Variants in L3MBTL1 observed in about 807,000 individuals in gnomAD.
L3MBTL1 encodes the protein L3MBTL histone methyl-lysine binding protein 1, also known as lethal(3)malignant brain tumor-like protein 1.
A neutral mutation model predicts 105.3 loss-of-function variants in L3MBTL1; 75 were observed. The observed-to-expected ratio is 0.71, with a 90% CI of 0.59 to 0.86. The LOEUF is 0.86. Among genes scored for constraint, L3MBTL1 ranks in the 40% least tolerant of loss-of-function variants. L3MBTL1 has a pLI of 0.00. For synonymous variants in L3MBTL1, 452 were observed against 436.2 expected (o/e 1.04, Z -0.45); for missense variants, 1,069 against 1,126.4 (o/e 0.95, Z 0.73).
intron 7 of L3MBTL1, among the ~76,000 whole-genome samples, chr20:43,518,863 A>C (rs1181499438): frequency 1.6e-5 from 2 of 122,750 alleles, no homozygotes; most frequent in Non-Finnish European, 3.9e-5. Flanking sequence ...AAAAAAAAAA[A>C]AAAAAAAAAA....
At chr20:43,524,070 T>C (rs939421388) in intron 7 of L3MBTL1, among the ~76,000 whole-genome samples, 1 of 151,986 alleles carries the variant, frequency 6.6e-6, no homozygotes, top group African/African-American at 2.4e-5. Flanking sequence ...TAAGCAATCC[T>C]CCTACCTCAG....
chr20:43,541,058 A>T lies in L3MBTL1; in HGVS notation c.2519A>T (p.His840Leu), dbSNP rs150564461. ...AAAGGCATCCTGGAGACAGGAGTCCATTCACTCCTCTGCTCTCTACCCACT... is the reference window on the plus strand; with the variant it reads ...AAAGGCATCCTGGAGACAGGAGTCCTTTCACTCCTCTGCTCTCTACCCACT... ...EGKGILETGV[H>L]SLLCSLPTHL... is the part of the protein sequence containing the mutation. The change falls in exon 22 of 22, where the codon CAT (histidine) becomes CTT (leucine). Residue 840 changes from histidine to leucine, a missense_variant. His to Leu is a moderately conservative substitution (Grantham distance 99). Transcript: ENST00000418998. 1.3e-4 allele frequency: 216 copies of T among 1,614,056 alleles called. No homozygotes were observed. The highest frequency in any genetic ancestry group is 1.8e-4 in the Non-Finnish European group (208 of 1,180,046).
At chr20:43,529,431 C>T (rs1471609082) in intron 9 of L3MBTL1, 63 bp downstream of exon 9, 1 of 1,179,130 alleles carries the variant, frequency 8.5e-7, no homozygotes, top group Non-Finnish European at 1.2e-6. Flanking sequence ...ATGGATCTTG[C>T]TGGGGACATA....
intron 7 of L3MBTL1, among the ~76,000 whole-genome samples, chr20:43,525,411 A>G (rs2018978992): frequency 6.6e-6 from 1 of 152,064 alleles, no homozygotes; most frequent in Non-Finnish European, 1.5e-5. Flanking sequence ...AAAAAAAAGC[A>G]TCTCTCCAGG....
intron 8 of L3MBTL1, 108 bp downstream of exon 8, chr20:43,528,853 C>G: frequency 1.2e-6 from 1 of 840,990 alleles, no homozygotes; most frequent in South Asian, 1.4e-5. Flanking sequence ...CCTCAGTGGA[C>G]TGGCAGAATG....
At chr20:43,514,909 G>T in intron 4 of L3MBTL1, 100 bp from the exon 5 acceptor site, 1 of 1,491,750 alleles carries the variant, frequency 6.7e-7, no homozygotes, top group Non-Finnish European at 9.0e-7. Flanking sequence ...ATCCGATGCG[G>T]AGATGGACCG....
intron 14 of L3MBTL1, 81 bp downstream of exon 14, chr20:43,534,174 TCC>T: frequency 6.6e-7 from 1 of 1,519,330 alleles, no homozygotes; most frequent in Non-Finnish European, 9.1e-7. Context: ...GCCCTAGCCT[TCC>T]CCTTTGGGCA....
chr20:43,541,160 G>A lies in L3MBTL1; in HGVS notation c.*32G>A. On this transcript the variant is annotated 3_prime_UTR_variant, in exon 22 of 22. Transcript: ENST00000418998. ...CTTTTTTCCCCTTTAATCCAATATA[G>A]TTGATAATTAAAGTGTATTTTGAAT... 6.3e-7 allele frequency: 1 copy of A among 1,598,438 alleles called. No individual in the cohort carries two copies. Among genetic ancestry groups the A allele is most frequent in the Non-Finnish European group, 8.6e-7 (1 of 1,168,834 alleles).
At chr20:43,525,375 T>C (rs923794976) in intron 7 of L3MBTL1, among the ~76,000 whole-genome samples, 5 of 150,760 alleles carry the variant, frequency 3.3e-5, no homozygotes, top group Non-Finnish European at 5.9e-5. Context: ...CGCTAGCCAA[T>C]ATGGTACCTT....
intron 7 of L3MBTL1, among the ~76,000 whole-genome samples, chr20:43,520,709 A>G (rs750750341): frequency 7.9e-5 from 12 of 152,306 alleles, no homozygotes; most frequent in African/African-American, 1.9e-4. Flanking sequence ...AGAAATGTCT[A>G]TTCAGATCCT....
chr20:43,522,508 A>G (rs1417560914), intron 7 of L3MBTL1, among the ~76,000 whole-genome samples: 5 of 104,922 alleles, frequency 4.8e-5, no homozygotes, highest in Non-Finnish European at 8.6e-5. Context: ...ATCTGGCTCT[A>G]TCACCCAGGC....
chr20:43,514,400 G>T, intron 3 of L3MBTL1: 1 of 1,434,648 alleles, frequency 7.0e-7, no homozygotes. Flanking sequence ...GTGGGAGCCT[G>T]GGGGCGTGGC....
intron 7 of L3MBTL1, among the ~76,000 whole-genome samples, chr20:43,527,182 T>G (rs565844871): frequency 1.3e-5 from 2 of 152,194 alleles, no homozygotes; most frequent in Non-Finnish European, 2.9e-5. Flanking sequence ...TATACATAGA[T>G]CTGACTTAAT....
At chr20:43,529,072 A>G in intron 8 of L3MBTL1, 192 bp from the exon 9 acceptor site, 1 of 608,462 alleles carries the variant, frequency 1.6e-6, no homozygotes, top group Non-Finnish European at 2.9e-6. Context: ...TGACTCACCC[A>G]CATTTTTCAA....
intron 7 of L3MBTL1, 119 bp from the exon 8 acceptor site, chr20:43,528,538 A>C: frequency 2.7e-6 from 2 of 728,434 alleles, no homozygotes; most frequent in Admixed American, 2.1e-5. Context: ...CAGAGGGTAC[A>C]TGTGAACACA....
chr20:43,509,333 T>C (rs1456812920), intron 1 of L3MBTL1, among the ~76,000 whole-genome samples: 1 of 150,136 alleles, frequency 6.7e-6, no homozygotes, highest in Non-Finnish European at 1.5e-5. Flanking sequence ...CAAGCAACCC[T>C]CCCACCTCAG....
chr20:43,519,025 CAG>C (rs992309814), intron 7 of L3MBTL1, among the ~76,000 whole-genome samples: 26 of 149,062 alleles, frequency 1.7e-4, no homozygotes, highest in East Asian at 9.9e-4. Context: ...GACTCTGTCT[CAG>C]GGGGAAAAAA....
intron 11 of L3MBTL1, 67 bp downstream of exon 11, chr20:43,530,956 G>A (rs2019306396): frequency 7.6e-7 from 1 of 1,315,700 alleles, no homozygotes; most frequent in South Asian, 1.3e-5. Flanking sequence ...CTGGCCCAGG[G>A]TATCTGACTC....
In L3MBTL1 at chr20:43,536,119, G is replaced by A. The variant is rs765827973; in HGVS notation, c.1948G>A (p.Asp650Asn). The change falls in exon 18 of 22, where the codon GAC (aspartate) becomes AAC (asparagine). Residue 650 changes from aspartate (D) to asparagine (N), a missense_variant. Asp to Asn is a conservative substitution (Grantham distance 23, BLOSUM62 1). Transcript: ENST00000418998. Reference protein sequence around the residue: ...HHRKCPTPGCDGSGHVTGKFT... With the variant: ...HHRKCPTPGCNGSGHVTGKFT... The stretch of plus-strand genomic sequence containing the variant: ...CAGGAAGTGCCCCACTCCTGGTTGC[G>A]ACGGCTCTGGCCATGTCACAGGCAA... 21 of 1,613,284 alleles carry A rather than the reference G, an allele frequency of 1.3e-5. No homozygotes were observed. The highest frequency in any genetic ancestry group is 3.3e-4 in the Middle Eastern group (2 of 6,084).
Sources: allele counts gnomAD v4.1 joint callset (sites outside exome capture counted in the v4.1 genomes callset), GRCh38; gene constraint gnomAD v4.1.1; transcripts MANE v1.5; gene names NCBI Gene and HGNC (gene_info 2026-07-23, HGNC 2026-07-21).